Variants in RAD54B observed in about 807,000 individuals in gnomAD.
RAD54B encodes RAD54 homolog B.
A neutral mutation model predicts 95.8 loss-of-function variants in RAD54B; 78 were observed. That is an observed-to-expected ratio of 0.81 (90% CI 0.68 to 0.98). RAD54B has a LOEUF of 0.98. Ranked by LOEUF, RAD54B falls within the 50% of genes least tolerant of loss-of-function variation. The pLI, the probability that RAD54B is intolerant of heterozygous loss-of-function variation, is 0.00. For missense variants in RAD54B, 957 were observed against 1,056.6 expected (o/e 0.91, Z 1.31); for synonymous variants, 328 against 354.9 (o/e 0.92, Z 0.85).
chr8:94,432,500 C>T, intron 3 of RAD54B: 2 of 1,550,604 alleles, frequency 1.3e-6, no homozygotes, highest in South Asian at 1.2e-5. Flanking sequence ...CTTCTCTTTG[C>T]TCTAAAGTAT....
intron 3 of RAD54B, among the ~76,000 whole-genome samples, chr8:94,456,683 T>C (rs1006439554): frequency 6.6e-6 from 1 of 152,168 alleles, no homozygotes; most frequent in Non-Finnish European, 1.5e-5. Flanking sequence ...AACTGGGACA[T>C]ACAGATTTGT....
rs36093849 is a variant in RAD54B at position 94,380,284 on chromosome 8, A to G, written c.2108T>C (p.Val703Ala). The change falls in exon 12 of 15, where the codon GTT becomes GCT. Residue 703 changes from valine (V) to alanine (A), a missense_variant. Coordinates refer to ENST00000336148, the MANE Select transcript of RAD54B (RefSeq NM_012415.3). ...QTPISQRQQI[V>A]DGFNSQHSSF... ...AGAGTGTTGACTGTTAAAGCCATCA[A>G]CAATCTGCTGCCTTTGAGAGATTGG... 6.2e-5 allele frequency: 100 copies of G among 1,614,158 alleles called. No homozygotes were observed. The African/African-American group carries it at 9.5e-4, about 15-fold the overall frequency.
intron 3 of RAD54B, chr8:94,428,759 C>A (rs901199830): frequency 1.0e-5 from 10 of 985,076 alleles, no homozygotes; most frequent in Admixed American, 1.2e-4. Context: ...AGCAAACTTT[C>A]CCCTATATAT....
At position 94,393,765 on chromosome 8, in the gene RAD54B, G is replaced by C; in HGVS notation, c.1496C>G (p.Ser499Trp). ...RKIYEEPIIL[S>W]REPSASEEEK... ...TACCTCAGAAGCAGAAGGTTCTCTCGATAAAATGATGGGTTCTTCATATAT... is the reference window on the plus strand; with the variant it reads ...TACCTCAGAAGCAGAAGGTTCTCTCCATAAAATGATGGGTTCTTCATATAT... Residue 499 changes from serine to tryptophan, a missense_variant, in exon 9 of 15, where the codon TCG becomes TGG. Ser to Trp is a radical substitution (Grantham distance 177, BLOSUM62 -3). Coordinates refer to ENST00000336148, the MANE Select transcript of RAD54B (RefSeq NM_012415.3). The C allele has an allele frequency of 6.3e-7, 1 of 1,583,152 alleles. No homozygotes were observed. Among genetic ancestry groups the C allele is most frequent in the Non-Finnish European group, 8.7e-7 (1 of 1,154,618 alleles).
intron 3 of RAD54B, among the ~76,000 whole-genome samples, chr8:94,439,260 T>A (rs532299457): frequency 5.4e-4 from 83 of 152,310 alleles, no homozygotes; most frequent in African/African-American, 1.8e-3. Context: ...TAATTTTATG[T>A]CTCAGAATAT....
At chr8:94,403,251 CT>C (rs1223780959) in intron 6 of RAD54B, among the ~76,000 whole-genome samples, 1 of 152,116 alleles carries the variant, frequency 6.6e-6, no homozygotes, top group African/African-American at 2.4e-5. Flanking sequence ...GCCTTTGATT[CT>C]TTTTTTCTCC....
At chr8:94,429,825 C>A (rs906472922) in intron 3 of RAD54B, 1 of 985,216 alleles carries the variant, frequency 1.0e-6, no homozygotes, top group Non-Finnish European at 1.2e-6. Context: ...ATTAAGTAGT[C>A]AACATGCTAA....
chr8:94,414,806 C>T (rs1404753837), intron 3 of RAD54B, among the ~76,000 whole-genome samples: 1 of 152,082 alleles, frequency 6.6e-6, no homozygotes, highest in Non-Finnish European at 1.5e-5. Flanking sequence ...ATCCAACTTA[C>T]AAGGGACGTG....
chr8:94,416,785 A>C (rs1364163913), intron 3 of RAD54B, among the ~76,000 whole-genome samples: 1 of 152,180 alleles, frequency 6.6e-6, no homozygotes, highest in East Asian at 1.9e-4. Flanking sequence ...TGCTGGTAGG[A>C]GTATAAAATG....
chr8:94,474,313 TA>T (rs1400395280), intron 1 of RAD54B, among the ~76,000 whole-genome samples: 4 of 152,150 alleles, frequency 2.6e-5, no homozygotes, highest in Admixed American at 2.6e-4. Flanking sequence ...CAGCACCACG[TA>T]ATATACCGAT....
At chr8:94,391,048 T>G (rs893524718) in intron 10 of RAD54B, among the ~76,000 whole-genome samples, 4 of 152,186 alleles carry the variant, frequency 2.6e-5, no homozygotes, top group African/African-American at 9.7e-5. Flanking sequence ...TTTGAATTTC[T>G]AATTTCCAGA....
chr8:94,453,066 C>CCTACTCCA (rs1211967022), intron 3 of RAD54B, among the ~76,000 whole-genome samples: 3 of 152,104 alleles, frequency 2.0e-5, no homozygotes, highest in Non-Finnish European at 4.4e-5. Context: ...TGATGAGTAT[C>CCTACTCCA]CTACTCCAAG....
intron 14 of RAD54B, 62 bp from the exon 15 acceptor site, chr8:94,372,449 C>T: frequency 6.4e-7 from 1 of 1,570,924 alleles, no homozygotes; most frequent in Non-Finnish European, 8.6e-7. Context: ...AAATACAATA[C>T]TTTTTTGTTT....
At chr8:94,455,856 G>C (rs1344557499) in intron 3 of RAD54B, among the ~76,000 whole-genome samples, 1 of 152,136 alleles carries the variant, frequency 6.6e-6, no homozygotes, top group Non-Finnish European at 1.5e-5. Flanking sequence ...AAGGACACCA[G>C]TCATTAAATT....
intron 3 of RAD54B, among the ~76,000 whole-genome samples, chr8:94,455,338 T>A (rs1812755920): frequency 6.6e-6 from 1 of 152,190 alleles, no homozygotes; most frequent in Admixed American, 6.5e-5. Flanking sequence ...TGTAAGTTTC[T>A]CAGGATCTCT....
At chr8:94,430,845 A>C (rs1188068289) in intron 3 of RAD54B, 6 of 985,430 alleles carry the variant, frequency 6.1e-6, no homozygotes, top group Non-Finnish European at 7.2e-6. Flanking sequence ...GTCCAGGGAG[A>C]TGTCCTTCCT....
chr8:94,409,933 C>G (rs1811485641), intron 4 of RAD54B, among the ~76,000 whole-genome samples: 1 of 152,162 alleles, frequency 6.6e-6, no homozygotes, highest in East Asian at 1.9e-4. Flanking sequence ...TCGACCTTAA[C>G]CAACATAGAA....
chr8:94,422,617 AATATATATATATATATATATAT>A (rs1166692675), intron 3 of RAD54B, among the ~76,000 whole-genome samples: 43 of 43,574 alleles, frequency 9.9e-4, no homozygotes, highest in South Asian at 3.4e-3. Flanking sequence ...AAAAAAAAAA[AATATATATATATATATATATAT>A]ATATATATAT....
intron 3 of RAD54B, among the ~76,000 whole-genome samples, chr8:94,419,795 A>G (rs1811760118): frequency 1.3e-5 from 2 of 151,870 alleles, no homozygotes; most frequent in Admixed American, 6.6e-5. Flanking sequence ...AACAGAGTAA[A>G]ATAAAAGAGG....
Sources: allele counts gnomAD v4.1 joint callset (sites outside exome capture counted in the v4.1 genomes callset), GRCh38; gene constraint gnomAD v4.1.1; transcripts MANE v1.5; gene names NCBI Gene and HGNC (gene_info 2026-07-23, HGNC 2026-07-21).